ARL15: variants seen among roughly 807,000 people sequenced by gnomAD.
ARL15 encodes ADP-ribosylation factor-like protein 15.
In ARL15, 19 loss-of-function variants were observed where a neutral mutation model predicts 25.2. The observed-to-expected ratio is 0.75, with a 90% CI of 0.53 to 1.10. ARL15 has a LOEUF of 1.10. Ranked by LOEUF, ARL15 falls within the 50% of genes least tolerant of loss-of-function variation. The pLI, the probability that ARL15 is intolerant of heterozygous loss-of-function variation, is 0.00. For synonymous variants in ARL15, 94 were observed against 86.8 expected (o/e 1.08, Z -0.46); for missense variants, 220 against 246.0 (o/e 0.89, Z 0.71).
At chr5:54,101,664 T>C (rs1285066079) in intron 4 of ARL15, among the ~76,000 whole-genome samples, 2 of 152,142 alleles carry the variant, frequency 1.3e-5, no homozygotes, top group African/African-American at 4.8e-5. Flanking sequence ...GCTATAGTGC[T>C]CAAAAACATT....
chr5:54,076,408 G>A lies in ARL15; in HGVS notation c.462+36794C>T, dbSNP rs1292396196. Among the ~76,000 whole-genome samples the A allele has an allele frequency of 2.7e-5, 4 of 149,712 alleles. No individual in the cohort carries two copies. The East Asian group carries it at 7.8e-4, about 29-fold the overall frequency. ...TGCACTCCAGCCTGGGCGACAGAGCGAGACTCCGTCTCAAGAAAAAAAAAA... is the reference window on the plus strand; with the variant it reads ...TGCACTCCAGCCTGGGCGACAGAGCAAGACTCCGTCTCAAGAAAAAAAAAA... On this transcript the variant is annotated intron_variant, in intron 4 of 4. Transcript: ENST00000504924.
chr5:54,241,791 T>G (rs913870914), intron 1 of ARL15, among the ~76,000 whole-genome samples: 2 of 152,178 alleles, frequency 1.3e-5, no homozygotes, highest in African/African-American at 4.8e-5. Flanking sequence ...ATATTAAATG[T>G]TCTCCTTTTT....
chr5:54,310,391 G>A, intron 1 of ARL15, 41 bp downstream of exon 1: 1 of 1,594,034 alleles, frequency 6.3e-7, no homozygotes, highest in Non-Finnish European at 8.5e-7. Flanking sequence ...CGGGCACGCC[G>A]AGATCCGAGA....
Position 53,974,094 on chromosome 5 carries a change from A to C in ARL15, c.463-87381T>G, listed in dbSNP as rs1042918237. On this transcript the variant is annotated intron_variant, in intron 4 of 4. Transcript: ENST00000504924. ...AAGCTAGACTCTGTTTTCCCACAGA[A>C]ACAAATCCCATGTTAACTTTTCAAC... Among the ~76,000 whole-genome samples, 6 of 152,206 alleles carry C rather than the reference A, an allele frequency of 3.9e-5. No individual in the cohort carries two copies. In the East Asian group the frequency reaches 1.2e-3, roughly 29 times the overall value.
chr5:54,244,820 G>A (rs1264072497), intron 1 of ARL15, among the ~76,000 whole-genome samples: 1 of 151,340 alleles, frequency 6.6e-6, no homozygotes, highest in Admixed American at 6.6e-5. Context: ...AACATCAGAA[G>A]GTTAATCATC....
rs771075344 is a variant in ARL15 at position 53,991,563 on chromosome 5, G to GAAAAAAAAA, written c.463-104851_463-104850insTTTTTTTTT. On this transcript the variant is annotated intron_variant, in intron 4 of 4. Coordinates refer to ENST00000504924, the MANE Select transcript of ARL15 (RefSeq NM_019087.3). ...ATCTCAAAAAAAAAAAAAAAAAAAG[G>GAAAAAAAAA]GGGGGCGGGGGGCAATTGAAGCAAT... is the stretch of plus-strand genomic sequence containing the variant. 1.0e-4 allele frequency among the ~76,000 whole-genome samples: 13 copies of GAAAAAAAAA among 127,926 alleles called. 1 individual carries two copies. Among genetic ancestry groups the GAAAAAAAAA allele is most frequent in the South Asian group, 2.5e-4 (1 of 4,034 alleles). The allele number at this position is 127,926 out of a possible 152,430, so 83.9% of individuals were successfully genotyped here.
chr5:54,282,734 C>T (rs762009415), intron 1 of ARL15, among the ~76,000 whole-genome samples: 1 of 151,948 alleles, frequency 6.6e-6, no homozygotes, highest in African/African-American at 2.4e-5. Context: ...GTCTATAATC[C>T]TTATAATGGA....
chr5:54,150,227 T>C (rs1295042813), intron 3 of ARL15, among the ~76,000 whole-genome samples: 2 of 152,196 alleles, frequency 1.3e-5, no homozygotes, highest in Non-Finnish European at 2.9e-5. Context: ...TTACAAAGAA[T>C]AAACGAATAA....
intron 3 of ARL15, among the ~76,000 whole-genome samples, chr5:54,119,112 G>A (rs746089318): frequency 9.2e-5 from 14 of 152,076 alleles, no homozygotes; most frequent in Admixed American, 8.5e-4. Context: ...TGGATCAGTA[G>A]GATGACCTTC....
intron 1 of ARL15, among the ~76,000 whole-genome samples, chr5:54,275,247 T>A (rs762175015): frequency 2.0e-5 from 3 of 152,200 alleles, no homozygotes; most frequent in Non-Finnish European, 4.4e-5. Flanking sequence ...TGGCTTAATC[T>A]CAGATCAAAC....
intron 4 of ARL15, among the ~76,000 whole-genome samples, chr5:53,929,343 T>C (rs548117929): frequency 5.3e-5 from 8 of 152,300 alleles, no homozygotes; most frequent in East Asian, 1.9e-4. Context: ...GTTGTAGTCA[T>C]TTGAGAAAAG....
intron 1 of ARL15, among the ~76,000 whole-genome samples, chr5:54,261,324 C>A (rs894806443): frequency 3.3e-5 from 5 of 152,122 alleles, no homozygotes; most frequent in African/African-American, 1.2e-4. Context: ...TCCAGTTGAA[C>A]CATGGGAATT....
intron 1 of ARL15, among the ~76,000 whole-genome samples, chr5:54,298,554 C>A (rs1398898188): frequency 6.6e-6 from 1 of 152,172 alleles, no homozygotes; most frequent in African/African-American, 2.4e-5. Context: ...AACCTTCCTG[C>A]CCCTCCAGTT....
intron 4 of ARL15, among the ~76,000 whole-genome samples, chr5:54,040,105 C>A (rs1750289912): frequency 6.6e-6 from 1 of 152,058 alleles, no homozygotes; most frequent in South Asian, 2.1e-4. Context: ...GAGCTCTGAC[C>A]AAATTCTAAT....
intron 1 of ARL15, among the ~76,000 whole-genome samples, chr5:54,173,339 C>T (rs944049027): frequency 1.3e-5 from 2 of 151,926 alleles, no homozygotes; most frequent in Non-Finnish European, 1.5e-5. Context: ...AACATTTAGA[C>T]CCTGAATGAT....
At chr5:53,888,772 G>A (rs1451217936) in intron 4 of ARL15, among the ~76,000 whole-genome samples, 1 of 152,046 alleles carries the variant, frequency 6.6e-6, no homozygotes, top group Non-Finnish European at 1.5e-5. Flanking sequence ...TGGCCAATAG[G>A]GGAAAAAAGA....
chr5:54,046,048 A>T (rs1750499344), intron 4 of ARL15, among the ~76,000 whole-genome samples: 1 of 151,946 alleles, frequency 6.6e-6, no homozygotes, highest in Non-Finnish European at 1.5e-5. Context: ...GTCCGTGTAG[A>T]CTGGTTATAA....
At chr5:54,006,174 G>T (rs1348547463) in intron 4 of ARL15, among the ~76,000 whole-genome samples, 1 of 151,798 alleles carries the variant, frequency 6.6e-6, no homozygotes, top group Non-Finnish European at 1.5e-5. Context: ...TCCATCCATG[G>T]TCTTAGTGTA....
At chr5:54,128,914 C>T (rs1202954955) in intron 3 of ARL15, among the ~76,000 whole-genome samples, 2 of 151,964 alleles carry the variant, frequency 1.3e-5, no homozygotes, top group Non-Finnish European at 2.9e-5. Context: ...ACCATGTTAG[C>T]CAGGACGGTC....
Sources: gnomAD v4.1 joint callset for allele counts (sites outside exome capture counted in the v4.1 genomes callset) on GRCh38, gnomAD v4.1.1 for gene constraint, MANE v1.5 for transcripts, NCBI Gene and HGNC (gene_info 2026-07-23, HGNC 2026-07-21) for gene names.